The following MACF1 variants were observed in gnomAD, a reference collection of about 807,000 sequenced individuals.
MACF1 encodes the protein microtubule-actin cross-linking factor 1.
Under a neutral mutation model 854.8 loss-of-function variants are expected in MACF1, and 193 were observed. That is an observed-to-expected ratio of 0.23 (90% CI 0.20 to 0.25). The LOEUF is 0.25. Among genes scored for constraint, MACF1 ranks in the 10% least tolerant of loss-of-function variants. MACF1 has a pLI of 1.00. For synonymous variants in MACF1, 3,185 were observed against 3,226.7 expected (o/e 0.99, Z 0.44); for missense variants, 7,722 against 8,929.1 (o/e 0.86, Z 5.45).
chr1:39,105,295 C>A lies in MACF1; in HGVS notation c.220+20857C>A. 1 of 594,450 alleles carries A rather than the reference C, an allele frequency of 1.7e-6. No homozygotes were observed. The highest frequency in any genetic ancestry group is 2.1e-6 in the Non-Finnish European group (1 of 473,344). The allele number at this position is 594,450 out of a possible 1,614,324, so 36.8% of individuals were successfully genotyped here. A position where few individuals can be genotyped will look rare whatever the true frequency, so the allele number is the denominator to read the frequency against. ...GCGGGGAGAGGGGGCGGGGAACGGG[C>A]CGGGCCTGGCGCTCCTGACAGGAGG... On this transcript the variant is annotated intron_variant, in intron 2 of 93. Transcript: ENST00000361689. This position sits in a 1 kb window ranked among gnomAD's most constrained non-coding sequence, Gnocchi z 5.9.
At chr1:39,420,850 CTG>C (rs1643506304) in intron 58 of MACF1, among the ~76,000 whole-genome samples, 1 of 150,616 alleles carries the variant, frequency 6.6e-6, no homozygotes, top group South Asian at 2.1e-4. Flanking sequence ...CCTCTGATAA[CTG>C]AGAGAAACCC....
intron 58 of MACF1, among the ~76,000 whole-genome samples, chr1:39,404,722 G>A (rs1220403808): frequency 6.6e-6 from 1 of 152,074 alleles, no homozygotes; most frequent in Non-Finnish European, 1.5e-5. Context: ...TGGCCTCAAG[G>A]GATACCCCTG....
intron 2 of MACF1, among the ~76,000 whole-genome samples, chr1:39,237,216 A>G (rs1033557886): frequency 1.3e-5 from 2 of 152,118 alleles, no homozygotes; most frequent in African/African-American, 2.4e-5. Context: ...CTGCCTGACC[A>G]TCACCCACTT....
intron 2 of MACF1, among the ~76,000 whole-genome samples, chr1:39,173,340 A>AG: frequency 1.1e-5 from 1 of 93,606 alleles, no homozygotes; most frequent in Non-Finnish European, 2.2e-5. Context: ...CTCCATCTCA[A>AG]AAAAAAAAAA....
rs770698219 is a variant in MACF1, at chr1:39,432,667, T to C, written c.17457+13T>C. On this transcript the variant is annotated intron_variant, in intron 67 of 100. Coordinates refer to ENST00000564288, the MANE Select transcript of MACF1 (RefSeq NM_001394062.1). ...TCAGGTACAGAAGGTACGTGCCCACTCTTTCCTGAGCTAATAGAATCATCA... is the reference window on the plus strand; with the variant it reads ...TCAGGTACAGAAGGTACGTGCCCACCCTTTCCTGAGCTAATAGAATCATCA... 3.0e-5 allele frequency: 48 copies of C among 1,612,152 alleles called. No homozygotes were observed. Among genetic ancestry groups the C allele is most frequent in the Non-Finnish European group, 3.8e-5 (45 of 1,179,288 alleles).
chr1:39,387,549 C>G lies in MACF1; in HGVS notation c.14707C>G (p.Gln4903Glu), dbSNP rs1641855036. 6.2e-7 allele frequency: 1 copy of G among 1,613,946 alleles called. No individual in the cohort carries two copies. The highest frequency in any genetic ancestry group is 1.3e-5 in the African/African-American group (1 of 74,910). ...DRQSRLKDCMQKAQKYQWHVE... is the reference protein window; with the variant it reads ...DRQSRLKDCMEKAQKYQWHVE... ...ACAATCCAGGCTCAAGGATTGTATGCAGAAAGCTCAGAAATATCAGTGGCA... is the reference window on the plus strand; with the variant it reads ...ACAATCCAGGCTCAAGGATTGTATGGAGAAAGCTCAGAAATATCAGTGGCA... Residue 4903 changes from glutamine to glutamate, a missense_variant, in exon 58 of 101, where the codon CAG becomes GAG. Gln to Glu is a conservative substitution (Grantham distance 29). Around this residue, in one of 15 missense-constraint regions of MACF1, gnomAD observed 2,807 missense variants for 3,235.8 expected, o/e 0.87. Transcript: ENST00000564288.
chr1:39,250,656 C>T (rs1361512078), intron 3 of MACF1, among the ~76,000 whole-genome samples: 1 of 152,138 alleles, frequency 6.6e-6, no homozygotes, highest in Non-Finnish European at 1.5e-5. Flanking sequence ...CCAAAGTTGT[C>T]TGAGCATAGC....
intron 58 of MACF1, chr1:39,410,534 G>T (rs1020221263): frequency 6.2e-7 from 1 of 1,614,024 alleles, no homozygotes; most frequent in Non-Finnish European, 8.5e-7. Context: ...GCACCAGAAG[G>T]TAAGAAGCTG....
intron 58 of MACF1, chr1:39,411,194 G>A (rs1642983627): frequency 2.5e-6 from 4 of 1,613,748 alleles, no homozygotes; most frequent in South Asian, 1.1e-5. Flanking sequence ...ATAACCCCCA[G>A]CCTGAGAGAG....
chr1:39,097,167 G>C (rs1177487500), intron 2 of MACF1, among the ~76,000 whole-genome samples: 1 of 151,902 alleles, frequency 6.6e-6, no homozygotes, highest in Non-Finnish European at 1.5e-5. Context: ...GTGAGCCACC[G>C]CGCCTGGCCT....
At chr1:39,176,969 A>G (rs966938797) in intron 2 of MACF1, among the ~76,000 whole-genome samples, 7 of 152,154 alleles carry the variant, frequency 4.6e-5, no homozygotes, top group Admixed American at 1.3e-4. Context: ...TTTAACAAAA[A>G]TGCTAAGTAA....
chr1:39,244,173 C>G (rs1001299278), intron 2 of MACF1, among the ~76,000 whole-genome samples: 1 of 151,652 alleles, frequency 6.6e-6, no homozygotes, highest in Non-Finnish European at 1.5e-5. Flanking sequence ...GGCACAATCT[C>G]GGCTCACTGC....
At chr1:39,161,261 C>T (rs1208049417) in intron 2 of MACF1, among the ~76,000 whole-genome samples, 2 of 152,052 alleles carry the variant, frequency 1.3e-5, no homozygotes, top group Non-Finnish European at 2.9e-5. Flanking sequence ...TGGCAGAGTC[C>T]AGACCTGTGC....
intron 2 of MACF1, among the ~76,000 whole-genome samples, chr1:39,236,539 T>C (rs541717943): frequency 2.0e-5 from 3 of 152,320 alleles, no homozygotes; most frequent in South Asian, 2.1e-4. Context: ...GCATCCAGAG[T>C]GTTTATATAC....
chr1:39,432,207 G>A (rs1309193755), intron 66 of MACF1, among the ~76,000 whole-genome samples: 1 of 152,166 alleles, frequency 6.6e-6, no homozygotes, highest in African/African-American at 2.4e-5. Flanking sequence ...TTCCATGTCT[G>A]GGTAGGAAAG....
chr1:39,187,732 G>A (rs1037081314), intron 2 of MACF1, among the ~76,000 whole-genome samples: 2 of 151,980 alleles, frequency 1.3e-5, no homozygotes, highest in Non-Finnish European at 2.9e-5. Context: ...AAATTTTTTT[G>A]TAGAAATGAG....
intron 36 of MACF1, among the ~76,000 whole-genome samples, chr1:39,329,504 G>A (rs1175928978): frequency 6.6e-6 from 1 of 152,132 alleles, no homozygotes; most frequent in African/African-American, 2.4e-5. Context: ...TACTCACTGA[G>A]ATAAAATGAA....
At chr1:39,275,210 C>T (rs1419944743) in intron 6 of MACF1, among the ~76,000 whole-genome samples, 1 of 151,812 alleles carries the variant, frequency 6.6e-6, no homozygotes, top group Non-Finnish European at 1.5e-5. Context: ...TCCCGAGTAG[C>T]TGGGACTACA....
intron 55 of MACF1, among the ~76,000 whole-genome samples, chr1:39,381,079 A>T (rs1650146811): frequency 6.6e-6 from 1 of 151,680 alleles, no homozygotes; most frequent in African/African-American, 2.4e-5. Flanking sequence ...TTTTTTTGAG[A>T]TGGAGTTTGC....
Sources: gnomAD v4.1 joint callset for allele counts (sites outside exome capture counted in the v4.1 genomes callset) on GRCh38, gnomAD v4.1.1 for gene constraint, gnomAD v4.1.1 regional missense constraint, Gnocchi (gnomAD v3.1) non-coding constraint, MANE v1.5 for transcripts, NCBI Gene and HGNC (gene_info 2026-07-23, HGNC 2026-07-21) for gene names.